Variants in ZNF431 observed in about 807,000 individuals in gnomAD.
The protein encoded by ZNF431 is zinc finger protein 431.
In ZNF431, 34 loss-of-function variants were observed where a neutral mutation model predicts 57.0. The observed-to-expected ratio is 0.60, with a 90% CI of 0.45 to 0.79. ZNF431 has a LOEUF of 0.79. Among genes scored for constraint, ZNF431 ranks in the 30% least tolerant of loss-of-function variants. ZNF431 has a pLI of 0.00. For synonymous variants in ZNF431, 207 were observed against 220.3 expected (o/e 0.94, Z 0.54); for missense variants, 607 against 667.1 (o/e 0.91, Z 0.99).
chr19:21,185,991 AT>A lies in ZNF431; in HGVS notation c.*1961del, dbSNP rs758829850. ...ATTCATTTCTAAATTCTTAATAAATATTTTCTCATGCCAGGTGTGGTGGCTC... is the reference window on the plus strand; with the variant it reads ...ATTCATTTCTAAATTCTTAATAAATATTTCTCATGCCAGGTGTGGTGGCTC... On this transcript the variant is annotated 3_prime_UTR_variant, in exon 5 of 5. Coordinates refer to ENST00000311048, the MANE Select transcript of ZNF431 (RefSeq NM_133473.4). 9.4e-4 allele frequency: 143 copies of A among 151,990 alleles called. No individual in the cohort carries two copies. The highest frequency in any genetic ancestry group is 3.1e-3 in the African/African-American group (130 of 41,464). The allele number at this position is 151,990 out of a possible 1,614,324, so 9.4% of individuals were successfully genotyped here. A position where few individuals can be genotyped will look rare whatever the true frequency, so the allele number is the denominator to read the frequency against.
intron 4 of ZNF431, among the ~76,000 whole-genome samples, chr19:21,176,484 C>T (rs1307052267): frequency 1.3e-5 from 2 of 151,838 alleles, no homozygotes; most frequent in African/African-American, 4.8e-5. Context: ...CTCAGGTGAT[C>T]CTCCCACCTC....
At chr19:21,144,094 T>C (rs1038740726) in intron 2 of ZNF431, among the ~76,000 whole-genome samples, 5 of 149,852 alleles carry the variant, frequency 3.3e-5, no homozygotes, top group Non-Finnish European at 7.4e-5. Flanking sequence ...TGTTTTTTAA[T>C]CAGCACTGCC....
At chr19:21,176,752 C>T (rs777892479) in intron 4 of ZNF431, among the ~76,000 whole-genome samples, 4 of 152,078 alleles carry the variant, frequency 2.6e-5, no homozygotes, top group Non-Finnish European at 5.9e-5. Flanking sequence ...GGCTGGAGTG[C>T]AGTGGCACGG....
intron 4 of ZNF431, among the ~76,000 whole-genome samples, chr19:21,179,042 A>G (rs1971137084): frequency 1.3e-5 from 2 of 152,126 alleles, no homozygotes; most frequent in African/African-American, 4.8e-5. Context: ...CCTCAATTTC[A>G]GAACTTGTCA....
At position 21,193,802 on chromosome 19, in the gene ZNF431, A is replaced by G. The variant is rs1170677353; in HGVS notation, c.*9768A>G. ...AGCAAAAATTTATATGATTAACACA[A>G]TAGATGCAGAAAAAGCATTCAAGAA... On this transcript the variant is annotated 3_prime_UTR_variant, in exon 5 of 5. Transcript: ENST00000311048. 6.6e-6 allele frequency: 1 copy of G among 152,228 alleles called. No homozygotes were observed. Among genetic ancestry groups the G allele is most frequent in the African/African-American group, 2.4e-5 (1 of 41,460 alleles). 9.4% of individuals were successfully genotyped at this position (152,228 alleles called of 1,614,324 possible). A position where few individuals can be genotyped will look rare whatever the true frequency, so the allele number is the denominator to read the frequency against.
rs528374828 is a variant in ZNF431, at chr19:21,189,806, C to A, written c.*5772C>A. The A allele has an allele frequency of 1.0e-5, 4 of 396,856 alleles. No homozygotes were observed. Among genetic ancestry groups the A allele is most frequent in the South Asian group, 2.8e-4 (2 of 7,166 alleles). The allele number at this position is 396,856 out of a possible 1,614,324, so 24.6% of individuals were successfully genotyped here. ...TGTGCCTTGCTTATCCCAACTAATA[C>A]AATGTCCTCCAACTTCATCCATGTG... On this transcript the variant is annotated 3_prime_UTR_variant, in exon 5 of 5. Transcript: ENST00000311048.
At chr19:21,175,558 A>G (rs1031264421) in intron 4 of ZNF431, 1 of 590,842 alleles carries the variant, frequency 1.7e-6, no homozygotes, top group Non-Finnish European at 3.0e-6. Context: ...TGCATGCATT[A>G]GCTATTTATC....
At chr19:21,180,957 A>G (rs1242202523) in intron 4 of ZNF431, among the ~76,000 whole-genome samples, 1 of 151,922 alleles carries the variant, frequency 6.6e-6, no homozygotes, top group East Asian at 1.9e-4. Context: ...AAAAAAAAAA[A>G]AAAGAACTTC....
chr19:21,148,939 T>C (rs994560251), intron 2 of ZNF431, among the ~76,000 whole-genome samples: 6 of 152,216 alleles, frequency 3.9e-5, no homozygotes, highest in African/African-American at 1.4e-4. Context: ...AGTGGCATTT[T>C]GAGAAGTCTT....
intron 4 of ZNF431, among the ~76,000 whole-genome samples, chr19:21,179,782 A>G (rs776128746): frequency 1.2e-4 from 18 of 151,048 alleles, no homozygotes; most frequent in South Asian, 2.1e-4. Context: ...CTGGTCTCGA[A>G]CTCCCGACCT....
chr19:21,154,653 C>G (rs1469692697), intron 2 of ZNF431, among the ~76,000 whole-genome samples: 1 of 152,124 alleles, frequency 6.6e-6, no homozygotes, highest in African/African-American at 2.4e-5. Flanking sequence ...AAAAGTGTTC[C>G]TATTTCTCCA....
At chr19:21,173,067 A>G (rs1011251966) in intron 4 of ZNF431, among the ~76,000 whole-genome samples, 1 of 152,186 alleles carries the variant, frequency 6.6e-6, no homozygotes, top group East Asian at 1.9e-4. Flanking sequence ...TTCAAAGTTT[A>G]TCTTAAAATG....
chr19:21,175,696 T>A (rs1385355039), intron 4 of ZNF431, among the ~76,000 whole-genome samples: 1 of 152,230 alleles, frequency 6.6e-6, no homozygotes, highest in Non-Finnish European at 1.5e-5. Flanking sequence ...TGTTCTTGTA[T>A]TAGTTTGCTG....
In ZNF431 at chr19:21,189,510, C is replaced by CA. The variant is rs1354116291; in HGVS notation, c.*5477dup. 8.1e-5 allele frequency: 13 copies of CA among 160,008 alleles called. No individual in the cohort carries two copies. Among genetic ancestry groups the CA allele is most frequent in the Non-Finnish European group, 1.5e-4 (11 of 73,496 alleles). 9.9% of individuals were successfully genotyped at this position (160,008 alleles called of 1,614,324 possible). A position where few individuals can be genotyped will look rare whatever the true frequency, so the allele number is the denominator to read the frequency against. ...AAAAAACTTTACCTCATATGGTGAA[C>CA]ATTTTTGTTTTGAGACCACATGACA... On this transcript the variant is annotated 3_prime_UTR_variant, in exon 5 of 5. Coordinates refer to ENST00000311048, the MANE Select transcript of ZNF431 (RefSeq NM_133473.4).
At chr19:21,171,523 C>T (rs946184793) in intron 4 of ZNF431, among the ~76,000 whole-genome samples, 13 of 151,726 alleles carry the variant, frequency 8.6e-5, no homozygotes, top group African/African-American at 1.9e-4. Context: ...ACGTCTATCA[C>T]GATCAGATTA....
At chr19:21,151,829 C>T (rs1437086746) in intron 2 of ZNF431, among the ~76,000 whole-genome samples, 2 of 152,274 alleles carry the variant, frequency 1.3e-5, no homozygotes, top group Non-Finnish European at 2.9e-5. Context: ...AAATGCATTC[C>T]CATATTAATT....
At chr19:21,175,172 T>G (rs1236703778) in intron 4 of ZNF431, among the ~76,000 whole-genome samples, 1 of 152,192 alleles carries the variant, frequency 6.6e-6, no homozygotes, top group African/African-American at 2.4e-5. Context: ...CATTTCAGTT[T>G]CTTGAGTAAC....
chr19:21,175,454 A>T (rs1334202887), intron 4 of ZNF431: 4 of 696,514 alleles, frequency 5.7e-6, no homozygotes, highest in South Asian at 3.0e-5. Context: ...ATGTTCCAGG[A>T]TACATGTGCA....
intron 4 of ZNF431, among the ~76,000 whole-genome samples, chr19:21,180,552 T>C (rs1971180303): frequency 6.6e-6 from 1 of 152,268 alleles, no homozygotes; most frequent in African/African-American, 2.4e-5. Flanking sequence ...CTTTTACTTC[T>C]TTCTCATTTG....
Sources: allele counts gnomAD v4.1 joint callset (sites outside exome capture counted in the v4.1 genomes callset), GRCh38; gene constraint gnomAD v4.1.1; transcripts MANE v1.5; gene names NCBI Gene and HGNC (gene_info 2026-07-23, HGNC 2026-07-21).